Variants in VPS13D observed in about 807,000 individuals in gnomAD.
VPS13D encodes vacuolar protein sorting 13 homolog D, also known as intermembrane lipid transfer protein VPS13D.
Under a neutral mutation model 461.9 loss-of-function variants are expected in VPS13D, and 187 were observed. That is an observed-to-expected ratio of 0.40 (90% CI 0.36 to 0.46). The LOEUF is 0.46. VPS13D is among the 20% of genes least tolerant of loss of function. The pLI, the probability that VPS13D is intolerant of heterozygous loss-of-function variation, is 0.60. For missense variants in VPS13D, 4,711 were observed against 5,364.9 expected (o/e 0.88, Z 3.81); for synonymous variants, 1,951 against 1,986.3 (o/e 0.98, Z 0.47).
intron 46 of VPS13D, among the ~76,000 whole-genome samples, chr1:12,351,179 A>T (rs773907107): frequency 3.9e-5 from 6 of 152,194 alleles, no homozygotes; most frequent in Non-Finnish European, 7.3e-5. Context: ...ACAATTCCGA[A>T]CTCATTTTAT....
intron 65 of VPS13D, among the ~76,000 whole-genome samples, chr1:12,432,389 C>T (rs1017849629): frequency 6.1e-5 from 9 of 146,774 alleles, no homozygotes; most frequent in Non-Finnish European, 1.3e-4. Flanking sequence ...AGCAAAACTC[C>T]GTCTCAAAAA....
rs1195232196 is a variant in VPS13D, at chr1:12,311,513, GCT to G, written c.6715_6716del (p.Leu2239GlyfsTer4). The G allele has an allele frequency of 6.2e-7, 1 of 1,614,102 alleles. No individual in the cohort carries two copies. The highest frequency in any genetic ancestry group is 1.1e-5 in the South Asian group (1 of 91,076). Reference sequence around the variant, plus strand: ...CATGGCAATCTCTCCTCAGTCCACTGCTCTCTGGATCTGTATAAATACAAGCT... The same window carrying G: ...CATGGCAATCTCTCCTCAGTCCACTGCTCTGGATCTGTATAAATACAAGCT... On this transcript the variant is annotated frameshift_variant, in exon 28 of 70. Coordinates refer to ENST00000620676, the MANE Select transcript of VPS13D (RefSeq NM_015378.4). LOFTEE classifies it high-confidence loss of function.
chr1:12,314,116 T>C lies in VPS13D; in HGVS notation c.6937T>C (p.Phe2313Leu). Residue 2313 changes from phenylalanine (F) to leucine (L), a missense_variant and splice_region_variant, in exon 30 of 70, where the codon TTT (phenylalanine) becomes CTT (leucine). By Grantham distance (22) the Phe-to-Leu change is conservative (BLOSUM62 0). This residue lies in a region of VPS13D where 4,411 missense variants were observed against 4,937.8 expected (regional missense o/e 0.89). Transcript: ENST00000620676. ...CTTGCTTTCTTTTCTCTCTTTTAGA[T>C]TTGACTTCAAGAAATGCAAACTGCT... ...RKEGAGSLAR[F>L]DFKKCKLLYE... The C allele has an allele frequency of 6.2e-7, 1 of 1,613,574 alleles. No individual in the cohort carries two copies. Among genetic ancestry groups the C allele is most frequent in the Non-Finnish European group, 8.5e-7 (1 of 1,179,658 alleles).
At position 12,400,764 on chromosome 1, in the gene VPS13D, G is replaced by A. The variant is rs546203605; in HGVS notation, c.11784+434G>A. Reference sequence around the variant, plus strand: ...GCCCAGGAGTTTGAGACCAGCTTGGGAAACATGGTGAAACCTCATTTCTAT... The same window carrying A: ...GCCCAGGAGTTTGAGACCAGCTTGGAAAACATGGTGAAACCTCATTTCTAT... On this transcript the variant is annotated intron_variant, in intron 61 of 69. Coordinates refer to ENST00000620676, the MANE Select transcript of VPS13D (RefSeq NM_015378.4). 1.8e-4 allele frequency among the ~76,000 whole-genome samples: 27 copies of A among 152,192 alleles called. No homozygotes were observed. The South Asian group carries it at 5.6e-3, about 32-fold the overall frequency.
intron 34 of VPS13D, among the ~76,000 whole-genome samples, chr1:12,323,129 G>A (rs987634023): frequency 8.5e-5 from 13 of 152,162 alleles, no homozygotes; most frequent in African/African-American, 3.1e-4. Context: ...GAGAGCAGTG[G>A]TGTGATCATA....
At chr1:12,233,375 A>C (rs1640045345) in intron 1 of VPS13D, among the ~76,000 whole-genome samples, 1 of 152,170 alleles carries the variant, frequency 6.6e-6, no homozygotes, top group Non-Finnish European at 1.5e-5. Context: ...AGGTTTCTTA[A>C]CATTGGCTCT....
rs558488647 is a variant in VPS13D, at chr1:12,371,483, C to T, written c.10808+1781C>T. Among the ~76,000 whole-genome samples the T allele has an allele frequency of 6.6e-5, 10 of 151,672 alleles. No individual in the cohort carries two copies. In the East Asian group the frequency reaches 7.7e-4, roughly 12 times the overall value. ...TTGGCTCACTGTAACCTCCACCTCCCGGGTTCAAGCGATTCTCCTGCCTCA... is the reference window on the plus strand; with the variant it reads ...TTGGCTCACTGTAACCTCCACCTCCTGGGTTCAAGCGATTCTCCTGCCTCA... On this transcript the variant is annotated intron_variant, in intron 54 of 69. Transcript: ENST00000620676.
At chr1:12,343,138 T>G (rs999416194) in intron 42 of VPS13D, 87 bp downstream of exon 42, 4 of 1,083,462 alleles carry the variant, frequency 3.7e-6, no homozygotes, top group Non-Finnish European at 5.0e-6. Context: ...ACTTTCCTTA[T>G]AAATGATTTT....
At chr1:12,310,840 C>T (rs1266757465) in intron 27 of VPS13D, among the ~76,000 whole-genome samples, 2 of 128,112 alleles carry the variant, frequency 1.6e-5, no homozygotes, top group African/African-American at 5.9e-5. Flanking sequence ...TCCTTCCTTC[C>T]CTCCTTCCCT....
chr1:12,258,680 G>T (rs189359328), intron 10 of VPS13D, among the ~76,000 whole-genome samples: 21 of 152,358 alleles, frequency 1.4e-4, no homozygotes, highest in African/African-American at 5.1e-4. Context: ...TTGGGGGAAG[G>T]TATTGGGGAT....
chr1:12,246,130 G>C (rs1640543556), intron 5 of VPS13D, among the ~76,000 whole-genome samples: 5 of 152,198 alleles, frequency 3.3e-5, no homozygotes, highest in Admixed American at 2.6e-4. Context: ...GGGAGGTGGA[G>C]TGAGTGGGTA....
At chr1:12,489,303 G>T in intron 67 of VPS13D, among the ~76,000 whole-genome samples, 1 of 152,192 alleles carries the variant, frequency 6.6e-6, no homozygotes, top group East Asian at 1.9e-4. Context: ...TAAATTATGG[G>T]AAGCCTTGAC....
chr1:12,291,334 C>A (rs1642126853), intron 23 of VPS13D, among the ~76,000 whole-genome samples: 1 of 152,114 alleles, frequency 6.6e-6, no homozygotes. Flanking sequence ...GCTTCATAAA[C>A]AGATGGGGTA....
At chr1:12,318,366 T>A in intron 31 of VPS13D, 29 bp downstream of exon 31, 1 of 1,587,880 alleles carries the variant, frequency 6.3e-7, no homozygotes, top group Non-Finnish European at 8.6e-7. Context: ...GATTCATTGG[T>A]GCTTAGTTTG....
At chr1:12,352,510 C>T (rs1643817623) in intron 46 of VPS13D, among the ~76,000 whole-genome samples, 1 of 152,092 alleles carries the variant, frequency 6.6e-6, no homozygotes, top group Non-Finnish European at 1.5e-5. Flanking sequence ...GAAATGCATA[C>T]AGTGGGTAAT....
intron 36 of VPS13D, 55 bp downstream of exon 36, chr1:12,327,909 A>G: frequency 6.5e-7 from 1 of 1,543,020 alleles, no homozygotes. Flanking sequence ...TCATTGCTGA[A>G]TTATTTGGGG....
At chr1:12,261,776 G>T in intron 12 of VPS13D, 125 bp from the exon 13 acceptor site, 3 of 812,720 alleles carry the variant, frequency 3.7e-6, no homozygotes, top group Non-Finnish European at 5.7e-6. Context: ...CATGACTTTG[G>T]AGTTCTTTCT....
chr1:12,348,715 C>G, intron 44 of VPS13D, 108 bp from the exon 45 acceptor site: 1 of 1,339,402 alleles, frequency 7.5e-7, no homozygotes, highest in Non-Finnish European at 1.0e-6. Flanking sequence ...CACTGAAGAA[C>G]TATAGTAGTA....
intron 49 of VPS13D, among the ~76,000 whole-genome samples, chr1:12,357,573 T>A (rs1216631597): frequency 1.3e-5 from 2 of 152,244 alleles, no homozygotes; most frequent in Non-Finnish European, 2.9e-5. Context: ...TATTTTAAGA[T>A]GAGGAAACAG....
Sources: gnomAD v4.1 joint callset for allele counts (sites outside exome capture counted in the v4.1 genomes callset) on GRCh38, gnomAD v4.1.1 for gene constraint, gnomAD v4.1.1 regional missense constraint, MANE v1.5 for transcripts, NCBI Gene and HGNC (gene_info 2026-07-23, HGNC 2026-07-21) for gene names.